Variants in NXPE1 observed in about 807,000 individuals in gnomAD.
The protein encoded by NXPE1 is neurexophilin and PC-esterase domain family member 1.
A neutral mutation model predicts 33.3 loss-of-function variants in NXPE1; 31 were observed. The ratio of observed to expected loss-of-function variants is 0.93; its 90% CI spans 0.70 to 1.26. The LOEUF is 1.26. Ranked by LOEUF, NXPE1 falls within the 50% of genes most tolerant of loss-of-function variation. NXPE1 has a pLI of 0.00. For missense variants in NXPE1, 661 were observed against 655.6 expected, an observed-to-expected ratio of 1.01 and a Z score of -0.09; for synonymous variants, 229 against 231.4, an observed-to-expected ratio of 0.99 and a Z score of 0.09.
intron 7 of NXPE1, 54 bp downstream of exon 7, chr11:114,527,786 T>A: frequency 8.1e-7 from 1 of 1,241,358 alleles, no homozygotes; most frequent in Non-Finnish European, 1.1e-6. Flanking sequence ...TTTAGGTTAA[T>A]GCTGATAAAA....
rs1041239824 is a variant in NXPE1, at chr11:114,551,006, G to A, written c.99+97C>T. ...AGATAGGGCAGTAGTTGAGGTGGGG[G>A]AGGAGGGGCAGGACTAATGGAGTGG... On this transcript the variant is annotated intron_variant, in intron 5 of 8. Transcript: ENST00000534921. The A allele has an allele frequency of 7.0e-5, 46 of 653,576 alleles. No individual in the cohort carries two copies. The African/African-American group carries it at 7.6e-4, about 11-fold the overall frequency. 40.5% of individuals were successfully genotyped at this position (653,576 alleles called of 1,614,324 possible). A position where few individuals can be genotyped will look rare whatever the true frequency, so the allele number is the denominator to read the frequency against.
At chr11:114,537,418 A>T (rs1443710363) in intron 5 of NXPE1, among the ~76,000 whole-genome samples, 2 of 152,178 alleles carry the variant, frequency 1.3e-5, no homozygotes, top group Admixed American at 1.3e-4. Context: ...ATAGGGTTGG[A>T]AGTTCTGGCC....
intron 5 of NXPE1, among the ~76,000 whole-genome samples, chr11:114,549,466 C>T (rs115547347): frequency 0.014 from 2,088 of 152,084 alleles, 51 homozygotes; most frequent in African/African-American, 0.048. Context: ...TAATTCTTCA[C>T]ATTAATACAG....
chr11:114,541,668 G>C (rs996123981), intron 5 of NXPE1, among the ~76,000 whole-genome samples: 1 of 152,046 alleles, frequency 6.6e-6, no homozygotes, highest in Non-Finnish European at 1.5e-5. Context: ...AATTTGAAGT[G>C]GGGGGGATGG....
At chr11:114,522,033 T>A (rs141275411) in exon 9 of NXPE1, 11 of 1,613,882 alleles carry the variant, frequency 6.8e-6, no homozygotes, top group African/African-American at 1.3e-5. Context: ...GGGTGGATAG[T>A]GTCAGTGCCA....
Position 114,522,036 on chromosome 11 carries a change from C to T in NXPE1, c.1576G>A (p.Asp526Asn), listed in dbSNP as rs200281565. The T allele has an allele frequency of 4.5e-5, 72 of 1,613,738 alleles. No individual in the cohort carries two copies. Among genetic ancestry groups the T allele is most frequent in the South Asian group, 8.8e-5 (8 of 91,064 alleles). The change falls in exon 9 of 9, where the codon GAC becomes AAC. Residue 526 changes from aspartate to asparagine, a missense_variant. Coordinates refer to ENST00000534921, the Ensembl canonical transcript of NXPE1. ...ACATGATCAGGTGGGTGGATAGTGT[C>T]AGTGCCATATGCAATGGTCATGTCC...
Position 114,537,205 on chromosome 11 carries a change from A to G in NXPE1, c.100-6297T>C, listed in dbSNP as rs184950643. ...CAGATGATTATCTCAATAGATGCAG[A>G]AAGGGCCTTTGACAAAATTCAACAA... On this transcript the variant is annotated intron_variant, in intron 5 of 8. Transcript: ENST00000534921. 9.3e-3 allele frequency among the ~76,000 whole-genome samples: 1,421 copies of G among 152,358 alleles called. 23 individuals are homozygous for G. Among genetic ancestry groups the G allele is most frequent in the African/African-American group, 0.031 (1,287 of 41,584 alleles).
downstream of NXPE1, among the ~76,000 whole-genome samples, chr11:114,520,877 A>G (rs1393385709): frequency 6.6e-6 from 1 of 152,190 alleles, no homozygotes; most frequent in Non-Finnish European, 1.5e-5. Context: ...GCATCAAATC[A>G]TGTAGGACAT....
intron 1 of NXPE1, chr11:114,553,879 T>C: frequency 1.0e-6 from 1 of 968,130 alleles, no homozygotes. Context: ...CCATGATGGG[T>C]ACATTTAGAT....
chr11:114,558,762 C>T (rs1316779506), intron 1 of NXPE1, among the ~76,000 whole-genome samples: 1 of 152,126 alleles, frequency 6.6e-6, no homozygotes, highest in East Asian at 1.9e-4. Flanking sequence ...GTTTTGAAAG[C>T]AGAATGGCAA....
intron 6 of NXPE1, chr11:114,528,887 G>C (rs914196933): frequency 4.9e-6 from 3 of 606,440 alleles, no homozygotes; most frequent in Non-Finnish European, 6.2e-6. Flanking sequence ...TAGGCATAAG[G>C]ATGGTTGATG....
intron 1 of NXPE1, among the ~76,000 whole-genome samples, chr11:114,556,160 C>T (rs921858998): frequency 1.3e-5 from 2 of 152,128 alleles, no homozygotes; most frequent in African/African-American, 4.8e-5. Context: ...TTGAGTTTTC[C>T]AATTCATGAA....
chr11:114,530,735 A>T (rs889747963), exon 6 of NXPE1: 1 of 1,613,998 alleles, frequency 6.2e-7, no homozygotes, highest in Non-Finnish European at 8.5e-7. Flanking sequence ...TGGTGTTCAC[A>T]TGGGTGAAAG....
At chr11:114,541,212 A>G (rs1264539455) in intron 5 of NXPE1, among the ~76,000 whole-genome samples, 1 of 152,152 alleles carries the variant, frequency 6.6e-6, no homozygotes, top group Non-Finnish European at 1.5e-5. Context: ...CCACAACATA[A>G]CAGTCACAAT....
intron 6 of NXPE1, chr11:114,529,739 G>C (rs1354636196): frequency 1.2e-5 from 2 of 171,368 alleles, no homozygotes; most frequent in Non-Finnish European, 2.5e-5. Flanking sequence ...TGACTGCTGG[G>C]AGAGAGACCA....
intron 1 of NXPE1, among the ~76,000 whole-genome samples, chr11:114,555,687 C>T (rs190970312): frequency 4.8e-3 from 738 of 152,288 alleles, no homozygotes; most frequent in Middle Eastern, 0.014. Context: ...CCATGCCTAA[C>T]GTGTTTCTGG....
chr11:114,524,033 C>T (rs1947294077), intron 7 of NXPE1, among the ~76,000 whole-genome samples: 1 of 152,226 alleles, frequency 6.6e-6, no homozygotes, highest in African/African-American at 2.4e-5. Context: ...ACTCTTGTTC[C>T]TTCTATGTTG....
At chr11:114,521,007 A>C (rs1234228991), downstream of NXPE1, among the ~76,000 whole-genome samples, 2 of 152,218 alleles carry the variant, frequency 1.3e-5, no homozygotes, top group Non-Finnish European at 2.9e-5. Context: ...CCTTTTAAAA[A>C]AGTTCATTCA....
At chr11:114,548,770 AAAAG>A (rs930072839) in intron 5 of NXPE1, among the ~76,000 whole-genome samples, 1 of 151,922 alleles carries the variant, frequency 6.6e-6, no homozygotes, top group Non-Finnish European at 1.5e-5. Context: ...AGAGTAAATC[AAAAG>A]AAAGAAAAAG....
Sources: gnomAD v4.1 joint callset for allele counts (sites outside exome capture counted in the v4.1 genomes callset) on GRCh38, gnomAD v4.1.1 for gene constraint, MANE v1.5 for transcripts, NCBI Gene and HGNC (gene_info 2026-07-23, HGNC 2026-07-21) for gene names.